GABRA3: variants seen among roughly 807,000 people sequenced by gnomAD.
The protein encoded by GABRA3 is gamma-aminobutyric acid type A receptor subunit alpha3.
In GABRA3, 10 loss-of-function variants were observed where a neutral mutation model predicts 30.1. That is an observed-to-expected ratio of 0.33 (90% confidence interval 0.20 to 0.56). GABRA3 has a LOEUF of 0.56. Among genes scored for constraint, GABRA3 ranks in the 20% least tolerant of loss-of-function variants. GABRA3 has a pLI of 0.89. For missense variants in GABRA3, 233 were observed against 392.0 expected (o/e 0.59, Z 3.42); for synonymous variants, 151 against 146.8 (o/e 1.03, Z -0.21).
At chrX:152,290,834 T>C (rs1294287583) in intron 3 of GABRA3, among the ~76,000 whole-genome samples, 1 of 111,635 alleles carries the variant, frequency 9.0e-6, no homozygotes, top group Admixed American at 9.5e-5. Flanking sequence ...AGATATGTGG[T>C]GTTATTTCTA....
chrX:152,227,609 T>TTAA (rs755089396), intron 5 of GABRA3, among the ~76,000 whole-genome samples: 2 of 99,764 alleles, frequency 2.0e-5, no homozygotes, highest in African/African-American at 7.6e-5. Flanking sequence ...TTTTTTTTTT[T>TTAA]AAAAAAAAAA....
intron 3 of GABRA3, among the ~76,000 whole-genome samples, chrX:152,287,991 T>C (rs765714934): frequency 9.0e-6 from 1 of 111,386 alleles, no homozygotes; most frequent in South Asian, 3.8e-4. Flanking sequence ...TAACAATCAA[T>C]GGTTGCCTTT....
chrX:152,229,639 C>A (rs1317995045), intron 5 of GABRA3, among the ~76,000 whole-genome samples: 1 of 109,745 alleles, frequency 9.1e-6, no homozygotes, highest in Non-Finnish European at 1.9e-5. Context: ...AACTAGGCTA[C>A]TGTGGCTGTC....
At chrX:152,275,963 G>A (rs184849745) in intron 4 of GABRA3, among the ~76,000 whole-genome samples, 1 of 109,790 alleles carries the variant, frequency 9.1e-6, no homozygotes, top group Non-Finnish European at 1.9e-5. Flanking sequence ...TGTAAAATCC[G>A]ATTTTTTTAA....
chrX:152,309,423 G>A (rs1031095170), intron 3 of GABRA3, among the ~76,000 whole-genome samples: 4 of 110,118 alleles, frequency 3.6e-5, no homozygotes, highest in Admixed American at 1.9e-4. Flanking sequence ...CCTACAAAGG[G>A]AACATCATCA....
At chrX:152,262,732 C>T (rs1938752241) in intron 4 of GABRA3, among the ~76,000 whole-genome samples, 1 of 111,710 alleles carries the variant, frequency 9.0e-6, no homozygotes. Flanking sequence ...CCAAACTTTC[C>T]CACATTTTTC....
intron 3 of GABRA3, among the ~76,000 whole-genome samples, chrX:152,319,864 T>TA (rs1026431520): frequency 1.8e-5 from 2 of 110,130 alleles, no homozygotes; most frequent in Non-Finnish European, 3.8e-5. Context: ...TATAATGAAT[T>TA]AAAAAAATAG....
intron 5 of GABRA3, among the ~76,000 whole-genome samples, chrX:152,232,756 T>C (rs775923023): frequency 3.7e-5 from 4 of 109,467 alleles, no homozygotes; most frequent in Non-Finnish European, 5.7e-5. Context: ...ATATTTGCTA[T>C]TGTGAACAGT....
intron 8 of GABRA3, among the ~76,000 whole-genome samples, chrX:152,193,271 G>A (rs558981040): frequency 3.6e-5 from 4 of 111,161 alleles, no homozygotes; most frequent in Admixed American, 9.6e-5. Flanking sequence ...TTAGAGTTTC[G>A]TATAAATATT....
chrX:152,305,311 G>A (rs1342691021), intron 3 of GABRA3, among the ~76,000 whole-genome samples: 1 of 109,847 alleles, frequency 9.1e-6, no homozygotes, highest in Non-Finnish European at 1.9e-5. Context: ...CTACCTATTG[G>A]GTACTATGCT....
At chrX:152,206,090 G>T (rs1433328035) in intron 7 of GABRA3, among the ~76,000 whole-genome samples, 2 of 112,911 alleles carry the variant, frequency 1.8e-5, no homozygotes, top group East Asian at 5.6e-4. Flanking sequence ...CTCAAGAGTT[G>T]ATGCCAGGTG....
chrX:152,242,863 G>A (rs1368058313), intron 5 of GABRA3, among the ~76,000 whole-genome samples: 1 of 112,222 alleles, frequency 8.9e-6, no homozygotes, highest in Non-Finnish European at 1.9e-5. Context: ...ACTACTGTGT[G>A]TACATGCATC....
intron 1 of GABRA3, among the ~76,000 whole-genome samples, chrX:152,415,101 T>C (rs180675206): frequency 9.0e-6 from 1 of 111,140 alleles, no homozygotes; most frequent in East Asian, 2.8e-4. Context: ...GCATTATACA[T>C]TTGTCAAAAC....
At chrX:152,377,069 CAT>C (rs1444683136) in intron 1 of GABRA3, among the ~76,000 whole-genome samples, 3 of 111,957 alleles carry the variant, frequency 2.7e-5, no homozygotes, top group East Asian at 2.8e-4. Flanking sequence ...CTATACAACA[CAT>C]GTTTCATCTT....
At chrX:152,448,398 G>T (rs1052529628) in intron 1 of GABRA3, among the ~76,000 whole-genome samples, 1 of 112,107 alleles carries the variant, frequency 8.9e-6, no homozygotes, top group Non-Finnish European at 1.9e-5. Flanking sequence ...TTCAGATAGA[G>T]AATTTCAGAG....
rs545089338 is a variant in GABRA3 at position 152,274,594 on chromosome X, T to A, written c.330+10074A>T. On this transcript the variant is annotated intron_variant, in intron 4 of 9. Transcript: ENST00000370314. Reference sequence around the variant, plus strand: ...AGAAACCTTAAAGATTATTTGAAAATCTTTAGAAGTGAACAATAGTGAAAA... The same window carrying A: ...AGAAACCTTAAAGATTATTTGAAAAACTTTAGAAGTGAACAATAGTGAAAA... Among the ~76,000 whole-genome samples, 3 of 111,308 alleles carry A rather than the reference T, an allele frequency of 2.7e-5. No individual in the cohort carries two copies. In the South Asian group the frequency reaches 1.1e-3, roughly 41 times the overall value.
At chrX:152,328,862 A>G (rs1940112963) in intron 3 of GABRA3, among the ~76,000 whole-genome samples, 1 of 111,682 alleles carries the variant, frequency 9.0e-6, no homozygotes, top group African/African-American at 3.3e-5. Flanking sequence ...CAATCAGGCA[A>G]GAGAAAGAAA....
intron 3 of GABRA3, among the ~76,000 whole-genome samples, chrX:152,332,489 G>C (rs1940178078): frequency 8.9e-6 from 1 of 112,400 alleles, no homozygotes; most frequent in African/African-American, 3.2e-5. Context: ...GGAAGAAAGG[G>C]AAGAAAACAA....
At chrX:152,444,758 GT>G (rs1931030631) in intron 1 of GABRA3, among the ~76,000 whole-genome samples, 1 of 59,123 alleles carries the variant, frequency 1.7e-5, no homozygotes, top group Non-Finnish European at 3.0e-5. Flanking sequence ...GTTTTTTTTT[GT>G]TTGTTTGTTT....
Sources: gnomAD v4.1 joint callset for allele counts (sites outside exome capture counted in the v4.1 genomes callset) on GRCh38, gnomAD v4.1.1 for gene constraint, MANE v1.5 for transcripts, NCBI Gene and HGNC (gene_info 2026-07-23, HGNC 2026-07-21) for gene names.